Variants in SAXO1 observed in about 807,000 individuals in gnomAD.
SAXO1 encodes the protein stabilizer of axonemal microtubules 1, also known as 4930500O09Rik.
Under a neutral mutation model 17.5 loss-of-function variants are expected in SAXO1, and 21 were observed. The observed-to-expected ratio is 1.20, with a 90% CI of 0.85 to 1.72. The LOEUF (loss-of-function observed/expected upper bound fraction) is 1.72. SAXO1 is among the 40% of genes most tolerant of loss of function. SAXO1 has a pLI of 0.00. For synonymous variants in SAXO1, 274 were observed against 216.5 expected, an observed-to-expected ratio of 1.27 and a Z score of -2.33; for missense variants, 843 against 596.0, an observed-to-expected ratio of 1.41 and a Z score of -4.32.
chr9:19,007,786 A>C (rs1834544566), intron 1 of SAXO1, among the ~76,000 whole-genome samples: 2 of 152,382 alleles, frequency 1.3e-5, no homozygotes, highest in African/African-American at 2.4e-5. Flanking sequence ...ATTAACAGGG[A>C]TATTTCACGA....
chr9:18,989,995 T>C (rs1466005796), intron 1 of SAXO1, among the ~76,000 whole-genome samples: 4 of 152,230 alleles, frequency 2.6e-5, no homozygotes, highest in Admixed American at 1.3e-4. Flanking sequence ...ACTTGAACCA[T>C]AAAACTGCCT....
intron 1 of SAXO1, among the ~76,000 whole-genome samples, chr9:18,989,335 T>C (rs1353918043): frequency 1.3e-5 from 2 of 152,158 alleles, no homozygotes; most frequent in Non-Finnish European, 1.5e-5. Flanking sequence ...CAAACTGAAG[T>C]CCTGTTTTAT....
rs1268864446 is a variant in SAXO1 at position 18,950,836 on chromosome 9, T to G, written c.140A>C (p.Tyr47Ser). ...YTENYPFYHS[Y>S]LPRESFKPRR... ...TGGCTTGAAGGACTCTCTGGGCAGGTAGGAGTGATAGAAAGGGTAGTTCTC... is the reference window on the plus strand; with the variant it reads ...TGGCTTGAAGGACTCTCTGGGCAGGGAGGAGTGATAGAAAGGGTAGTTCTC... The change falls in exon 2 of 4, where the codon TAC (tyrosine) becomes TCC (serine). Residue 47 changes from tyrosine to serine, a missense_variant. Physicochemically the swap from Tyr to Ser is moderately radical, Grantham distance 144 (BLOSUM62 -2). Coordinates refer to ENST00000380534, the MANE Select transcript of SAXO1 (RefSeq NM_153707.4). The G allele has an allele frequency of 1.9e-6, 3 of 1,613,802 alleles. No individual in the cohort carries two copies. The highest frequency in any genetic ancestry group is 1.1e-5 in the South Asian group (1 of 91,060).
chr9:18,999,099 A>G (rs1834136422), intron 1 of SAXO1, among the ~76,000 whole-genome samples: 1 of 152,254 alleles, frequency 6.6e-6, no homozygotes, highest in Admixed American at 6.5e-5. Context: ...AAATTCACAC[A>G]TAACAATATG....
At chr9:18,933,577 G>A (rs1482717030) in intron 3 of SAXO1, among the ~76,000 whole-genome samples, 1 of 152,018 alleles carries the variant, frequency 6.6e-6, no homozygotes, top group Non-Finnish European at 1.5e-5. Flanking sequence ...TGCAAGCTAG[G>A]TACCTGTAAC....
At chr9:19,027,607 G>A (rs1250169740) in intron 1 of SAXO1, 11 of 1,433,402 alleles carry the variant, frequency 7.7e-6, no homozygotes, top group Non-Finnish European at 1.1e-5. Flanking sequence ...AGCTGGTGCA[G>A]ATGTTCACTG....
chr9:18,936,955 C>A (rs991941658), intron 3 of SAXO1, among the ~76,000 whole-genome samples: 1 of 152,152 alleles, frequency 6.6e-6, no homozygotes. Context: ...TTCTGTGGAA[C>A]AAATGTAAGC....
chr9:19,031,539 C>A (rs1835772191), intron 1 of SAXO1, among the ~76,000 whole-genome samples: 1 of 152,194 alleles, frequency 6.6e-6, no homozygotes, highest in Non-Finnish European at 1.5e-5. Flanking sequence ...CCAGCCTGCG[C>A]AACAGAGCAA....
In SAXO1 at chr9:19,030,718, TAAG is replaced by T. The variant is rs148018134; in HGVS notation, c.38+2150_38+2152del. ...CAAAAAAATAAAAAAAATAAAAAAA[TAAG>T]AAGAAGAAAAAGATTCAATGTTCTG... is the stretch of plus-strand genomic sequence containing the variant. On this transcript the variant is annotated intron_variant, in intron 1 of 3. Transcript: ENST00000380534. Among the ~76,000 whole-genome samples, 745 of 151,840 alleles carry T rather than the reference TAAG, an allele frequency of 4.9e-3. 5 individuals carry two copies. Among genetic ancestry groups the T allele is most frequent in the African/African-American group, 0.017 (718 of 41,382 alleles).
intron 1 of SAXO1, among the ~76,000 whole-genome samples, chr9:18,972,794 C>G (rs1015762660): frequency 2.0e-5 from 3 of 152,216 alleles, no homozygotes; most frequent in Non-Finnish European, 4.4e-5. Context: ...TGTCCAGCCC[C>G]TACATCTTGT....
chr9:18,935,377 T>C (rs1033751734), intron 3 of SAXO1, among the ~76,000 whole-genome samples: 1 of 152,218 alleles, frequency 6.6e-6, no homozygotes, highest in Admixed American at 6.5e-5. Context: ...AAGTCTCATT[T>C]GGCTTTTACT....
chr9:18,969,419 C>T (rs550485317), intron 1 of SAXO1, among the ~76,000 whole-genome samples: 4 of 152,286 alleles, frequency 2.6e-5, no homozygotes, highest in Non-Finnish European at 4.4e-5. Context: ...CTGTGCTAAA[C>T]AAATATTTCC....
chr9:18,944,494 A>T (rs34388457), intron 2 of SAXO1, among the ~76,000 whole-genome samples: 9 of 152,006 alleles, frequency 5.9e-5, no homozygotes, highest in African/African-American at 2.2e-4. Context: ...TTTCTTTTTA[A>T]GAACACTGGA....
intron 3 of SAXO1, among the ~76,000 whole-genome samples, chr9:18,930,991 C>A (rs1358351226): frequency 6.6e-6 from 1 of 152,192 alleles, no homozygotes; most frequent in Non-Finnish European, 1.5e-5. Context: ...CACACCAACA[C>A]TAGTGGAGTC....
At chr9:18,955,956 T>C (rs1832240459) in intron 1 of SAXO1, among the ~76,000 whole-genome samples, 4 of 152,026 alleles carry the variant, frequency 2.6e-5, no homozygotes, top group South Asian at 4.2e-4. Context: ...TTTTGTCTTT[T>C]AGAGACAGGG....
chr9:18,992,882 C>A lies in SAXO1; in HGVS notation c.38+39989G>T, dbSNP rs1833864926. On this transcript the variant is annotated intron_variant, in intron 1 of 3. Coordinates refer to ENST00000380534, the MANE Select transcript of SAXO1 (RefSeq NM_153707.4). Reference sequence around the variant, plus strand: ...CTCCCAGATTCAAGCAATTCTCCTGCCTCTACCTCCTGGGTTCAAGTGATT... The same window carrying A: ...CTCCCAGATTCAAGCAATTCTCCTGACTCTACCTCCTGGGTTCAAGTGATT... Among the ~76,000 whole-genome samples the A allele has an allele frequency of 2.6e-5, 4 of 152,230 alleles. No homozygotes were observed. The South Asian group carries it at 6.2e-4, about 24-fold the overall frequency.
rs770532223 is a variant in SAXO1 at position 18,928,795 on chromosome 9, T to G, written c.682A>C (p.Arg228=). 1.9e-6 allele frequency: 3 copies of G among 1,614,172 alleles called. No homozygotes were observed. The highest frequency in any genetic ancestry group is 3.3e-5 in the Admixed American group (2 of 60,026). Reference sequence around the variant, plus strand: ...CTTTCAAAGGGGATTTCACAGGGCCTGAACTTCTCTGCTTCATGCACAAAG... The same window carrying G: ...CTTTCAAAGGGGATTTCACAGGGCCGGAACTTCTCTGCTTCATGCACAAAG... ...KRFVHEAEKF[R]PCEIPFESLT... is the part of the protein sequence containing the mutation. The change falls in exon 4 of 4, where the codon AGG becomes CGG. Residue 228 remains arginine, a synonymous_variant. Transcript: ENST00000380534.
chr9:18,977,344 T>A (rs1479666133), intron 1 of SAXO1, among the ~76,000 whole-genome samples: 1 of 152,164 alleles, frequency 6.6e-6, no homozygotes. Context: ...CATGTGTAGA[T>A]CATTTACCAC....
At chr9:18,974,174 A>G (rs1681802062) in intron 1 of SAXO1, among the ~76,000 whole-genome samples, 1 of 152,230 alleles carries the variant, frequency 6.6e-6, no homozygotes, top group African/African-American at 2.4e-5. Flanking sequence ...ACCAGTAAAT[A>G]CATTCAAAAT....
Sources: gnomAD v4.1 joint callset for allele counts (sites outside exome capture counted in the v4.1 genomes callset) on GRCh38, gnomAD v4.1.1 for gene constraint, MANE v1.5 for transcripts, NCBI Gene and HGNC (gene_info 2026-07-23, HGNC 2026-07-21) for gene names.